Variants in PLXNC1 observed in about 807,000 individuals in gnomAD.
The protein encoded by PLXNC1 is plexin C1.
Under a neutral mutation model 178.2 loss-of-function variants are expected in PLXNC1, and 75 were observed. That is an observed-to-expected ratio of 0.42 (90% CI 0.35 to 0.51). The LOEUF (loss-of-function observed/expected upper bound fraction) is 0.51, where lower values mean the gene tolerates loss of function less well. PLXNC1 is among the 20% of genes least tolerant of loss of function. The probability of loss-of-function intolerance (pLI) is 0.02; values close to 1 mark genes in which losing one functional copy is unlikely to be tolerated. For missense variants in PLXNC1, 1,503 were observed against 1,984.4 expected (o/e 0.76, Z 4.61); for synonymous variants, 790 against 779.9 (o/e 1.01, Z -0.22).
intron 1 of PLXNC1, among the ~76,000 whole-genome samples, chr12:94,160,556 T>G (rs373630922): frequency 5.9e-5 from 9 of 152,312 alleles, no homozygotes; most frequent in African/African-American, 2.2e-4. Context: ...TCTCTATCAT[T>G]GACCCCTTTT....
At chr12:94,289,678 TACCTC>T (rs1967080539) in intron 23 of PLXNC1, among the ~76,000 whole-genome samples, 1 of 152,192 alleles carries the variant, frequency 6.6e-6, no homozygotes, top group South Asian at 2.1e-4. Flanking sequence ...TTTCTGTCCT[TACCTC>T]AGCAGCAGCT....
intron 1 of PLXNC1, among the ~76,000 whole-genome samples, chr12:94,153,470 T>C (rs980714153): frequency 6.6e-6 from 1 of 152,210 alleles, no homozygotes; most frequent in South Asian, 2.1e-4. Context: ...ATGTTTTTAA[T>C]TATGCACAAG....
At chr12:94,299,294 G>A (rs865890203) in intron 27 of PLXNC1, among the ~76,000 whole-genome samples, 10 of 152,148 alleles carry the variant, frequency 6.6e-5, no homozygotes, top group Non-Finnish European at 1.3e-4. Context: ...CTTAAGGACA[G>A]GCAAGGCATC....
rs150402646 is a variant in PLXNC1, at chr12:94,160,669, C to T, written c.1063-8484C>T. On this transcript the variant is annotated intron_variant, in intron 1 of 30. Coordinates refer to ENST00000258526, the MANE Select transcript of PLXNC1 (RefSeq NM_005761.3). ...GTAGGTGTAACCTAGTGTCAGCCCC[C>T]GCACTTAGCAATATGTTTCTTCATA... Among the ~76,000 whole-genome samples, 277 of 152,330 alleles carry T rather than the reference C, an allele frequency of 1.8e-3. 3 individuals are homozygous for T. The highest frequency in any genetic ancestry group is 0.016 in the Admixed American group (239 of 15,302).
intron 11 of PLXNC1, among the ~76,000 whole-genome samples, chr12:94,243,233 C>T (rs927075226): frequency 6.6e-6 from 1 of 152,212 alleles, no homozygotes; most frequent in African/African-American, 2.4e-5. Context: ...GGCTGTTGGA[C>T]CTGACGTACC....
At chr12:94,230,146 C>A (rs1964058896) in intron 9 of PLXNC1, among the ~76,000 whole-genome samples, 2 of 152,278 alleles carry the variant, frequency 1.3e-5, no homozygotes, top group South Asian at 4.2e-4. Context: ...GACCTCAGCT[C>A]CATTTCTATA....
intron 9 of PLXNC1, among the ~76,000 whole-genome samples, chr12:94,233,133 C>A (rs1964151448): frequency 6.6e-6 from 1 of 152,124 alleles, no homozygotes; most frequent in South Asian, 2.1e-4. Context: ...AGTGTATTAA[C>A]CTCAAAGACA....
intron 4 of PLXNC1, among the ~76,000 whole-genome samples, chr12:94,200,648 C>A (rs1280581667): frequency 1.3e-5 from 2 of 152,120 alleles, no homozygotes; most frequent in Non-Finnish European, 2.9e-5. Flanking sequence ...CAGCTTTGAA[C>A]CCAGACCCTT....
intron 21 of PLXNC1, among the ~76,000 whole-genome samples, chr12:94,269,430 A>G (rs1965442735): frequency 6.6e-6 from 1 of 152,238 alleles, no homozygotes; most frequent in Non-Finnish European, 1.5e-5. Flanking sequence ...TTTTGGGACA[A>G]TTACGTTTAA....
intron 5 of PLXNC1, among the ~76,000 whole-genome samples, chr12:94,212,902 G>C (rs1480703562): frequency 5.3e-5 from 8 of 151,882 alleles, no homozygotes; most frequent in Non-Finnish European, 1.0e-4. Flanking sequence ...TGTATTTTTA[G>C]TAGAGATGGG....
chr12:94,207,022 G>A (rs1963320944), intron 4 of PLXNC1, among the ~76,000 whole-genome samples: 1 of 152,192 alleles, frequency 6.6e-6, no homozygotes, highest in African/African-American at 2.4e-5. Flanking sequence ...GGAGCTATAA[G>A]ATCTGCTCTG....
intron 2 of PLXNC1, among the ~76,000 whole-genome samples, chr12:94,174,254 G>A (rs1015589175): frequency 6.6e-6 from 1 of 151,218 alleles, no homozygotes; most frequent in Admixed American, 6.6e-5. Flanking sequence ...GTGCAGTCTC[G>A]GCTCACTACA....
At chr12:94,225,803 G>A (rs775626972) in intron 7 of PLXNC1, among the ~76,000 whole-genome samples, 1 of 152,190 alleles carries the variant, frequency 6.6e-6, no homozygotes, top group South Asian at 2.1e-4. Flanking sequence ...ACAAACCCGT[G>A]TCTAGCTCAC....
rs559446661 is a variant in PLXNC1 at position 94,199,389 on chromosome 12, AG to A, written c.1440-10199del. Reference sequence around the variant, plus strand: ...GGGGATGGCCCCTCCTTCTCGTGTGAGGACCCCATTGTGCCGACTAATTGTG... The same window carrying A: ...GGGGATGGCCCCTCCTTCTCGTGTGAGACCCCATTGTGCCGACTAATTGTG... On this transcript the variant is annotated intron_variant, in intron 4 of 30. Transcript: ENST00000258526. 1.5e-4 allele frequency among the ~76,000 whole-genome samples: 23 copies of A among 152,338 alleles called. No homozygotes were observed. In the East Asian group the frequency reaches 4.1e-3, roughly 27 times the overall value.
At chr12:94,227,318 T>A in intron 9 of PLXNC1, 83 bp downstream of exon 9, 1 of 773,766 alleles carries the variant, frequency 1.3e-6, no homozygotes, top group Non-Finnish European at 2.2e-6. Context: ...TTGGGTTCCT[T>A]AAAAAAATTC....
chr12:94,200,502 C>A (rs1963080640), intron 4 of PLXNC1, among the ~76,000 whole-genome samples: 1 of 152,092 alleles, frequency 6.6e-6, no homozygotes, highest in Admixed American at 6.5e-5. Context: ...TTCTGATAGG[C>A]CAAATGTGGG....
Position 94,149,133 on chromosome 12 carries a change from G to A in PLXNC1, c.162G>A (p.Glu54=). ...QAIGAIAASQ[E]DGVFVASGSC... ...TCGGAGCCATCGCGGCGAGCCAGGA[G>A]GACGGCGTGTTTGTGGCGAGCGGCA... The change falls in exon 1 of 31, where the codon GAG becomes GAA. Residue 54 remains glutamate (E), a synonymous_variant. Transcript: ENST00000258526. 6.3e-7 allele frequency: 1 copy of A among 1,590,042 alleles called. No homozygotes were observed. The highest frequency in any genetic ancestry group is 8.5e-7 in the Non-Finnish European group (1 of 1,172,744).
At chr12:94,301,099 G>A (rs749507317) in intron 28 of PLXNC1, 42 bp downstream of exon 28, 1 of 1,573,298 alleles carries the variant, frequency 6.4e-7, no homozygotes, top group Non-Finnish European at 8.7e-7. Context: ...AGTCTTATGA[G>A]TTTGACATAC....
chr12:94,224,176 T>C, intron 6 of PLXNC1, 52 bp from the exon 7 acceptor site: 3 of 1,047,326 alleles, frequency 2.9e-6, no homozygotes, highest in Non-Finnish European at 4.5e-6. Flanking sequence ...ACAGCTATGC[T>C]TGACTATAGC....
Sources: allele counts gnomAD v4.1 joint callset (sites outside exome capture counted in the v4.1 genomes callset), GRCh38; gene constraint gnomAD v4.1.1; transcripts MANE v1.5; gene names NCBI Gene and HGNC (gene_info 2026-07-23, HGNC 2026-07-21).